DTNB: variants seen among roughly 807,000 people sequenced by gnomAD.
The protein encoded by DTNB is DTN-B.
In DTNB, 63 loss-of-function variants were observed where a neutral mutation model predicts 90.7. That is an observed-to-expected ratio of 0.69 (90% CI 0.57 to 0.86). DTNB has a LOEUF of 0.86. Among genes scored for constraint, DTNB ranks in the 40% least tolerant of loss-of-function variants. DTNB has a pLI of 0.00. For synonymous variants in DTNB, 277 were observed against 286.7 expected, an observed-to-expected ratio of 0.97 and a Z score of 0.34; for missense variants, 744 against 807.1, an observed-to-expected ratio of 0.92 and a Z score of 0.95.
intron 8 of DTNB, among the ~76,000 whole-genome samples, chr2:25,562,576 T>A (rs2058427255): frequency 6.6e-6 from 1 of 152,198 alleles, no homozygotes; most frequent in Non-Finnish European, 1.5e-5. Context: ...TTTTTCTACA[T>A]CCTTGTCAAC....
chr2:25,402,788 G>A (rs2044079418), intron 16 of DTNB, among the ~76,000 whole-genome samples: 1 of 152,282 alleles, frequency 6.6e-6, no homozygotes, highest in South Asian at 2.1e-4. Flanking sequence ...TTGTGATCAC[G>A]GTGTTGCCAA....
intron 2 of DTNB, among the ~76,000 whole-genome samples, chr2:25,645,509 A>G (rs988865502): frequency 3.3e-5 from 5 of 152,142 alleles, no homozygotes; most frequent in Non-Finnish European, 7.4e-5. Context: ...TCACAATCTC[A>G]GCTCACTGTA....
At chr2:25,513,504 T>G (rs1558831301) in intron 9 of DTNB, among the ~76,000 whole-genome samples, 1 of 152,098 alleles carries the variant, frequency 6.6e-6, no homozygotes. Flanking sequence ...AGGCGATCAC[T>G]TGGGGTCGGC....
At chr2:25,482,735 G>A (rs2065216285) in intron 10 of DTNB, 61 bp downstream of exon 10, 1 of 1,550,112 alleles carries the variant, frequency 6.5e-7, no homozygotes, top group Admixed American at 1.7e-5. Context: ...ATTTCTGGCA[G>A]GGGCATCGCA....
chr2:25,562,555 A>AC (rs2058423808), intron 8 of DTNB, among the ~76,000 whole-genome samples: 1 of 152,210 alleles, frequency 6.6e-6, no homozygotes, highest in East Asian at 1.9e-4. Flanking sequence ...AACGAAGTAT[A>AC]AGGGTTCTGA....
intron 9 of DTNB, among the ~76,000 whole-genome samples, chr2:25,491,152 C>CAG (rs1553453709): frequency 5.4e-5 from 4 of 74,628 alleles, no homozygotes; most frequent in African/African-American, 1.6e-4. Context: ...CACACACACA[C>CAG]ACACAGACAC....
At chr2:25,510,099 T>C (rs1443031059) in intron 9 of DTNB, among the ~76,000 whole-genome samples, 1 of 152,134 alleles carries the variant, frequency 6.6e-6, no homozygotes, top group South Asian at 2.1e-4. Flanking sequence ...CTTGGGACAA[T>C]TTCCATTCAT....
intron 19 of DTNB, among the ~76,000 whole-genome samples, chr2:25,381,695 C>A (rs1430766086): frequency 6.6e-6 from 1 of 152,204 alleles, no homozygotes; most frequent in Non-Finnish European, 1.5e-5. Flanking sequence ...CTTTTGGTGT[C>A]CGTGCCACAT....
intron 1 of DTNB, among the ~76,000 whole-genome samples, chr2:25,673,153 C>T (rs1357341846): frequency 6.6e-6 from 1 of 151,680 alleles, no homozygotes; most frequent in African/African-American, 2.4e-5. Context: ...CGGGATCCGC[C>T]GCATCCCCTC....
intron 12 of DTNB, among the ~76,000 whole-genome samples, chr2:25,450,424 G>A (rs763110610): frequency 6.6e-6 from 1 of 152,102 alleles, no homozygotes; most frequent in African/African-American, 2.4e-5. Flanking sequence ...CCTTTTGCCA[G>A]TATCTTACTT....
chr2:25,572,026 C>T lies in DTNB; in HGVS notation c.876+4812G>A, dbSNP rs182436222. On this transcript the variant is annotated intron_variant, in intron 8 of 20. Transcript: ENST00000406818. Reference sequence around the variant, plus strand: ...TTTTCTTATGCACAGAGCACCCTTGCCTCCTCCCACCATGCCACACATGCC... The same window carrying T: ...TTTTCTTATGCACAGAGCACCCTTGTCTCCTCCCACCATGCCACACATGCC... Among the ~76,000 whole-genome samples the T allele has an allele frequency of 4.0e-4, 61 of 152,268 alleles. No individual in the cohort carries two copies. The East Asian group carries it at 8.9e-3, about 22-fold the overall frequency.
intron 4 of DTNB, among the ~76,000 whole-genome samples, chr2:25,618,642 C>A (rs569508479): frequency 6.6e-6 from 1 of 152,168 alleles, no homozygotes; most frequent in Admixed American, 6.5e-5. Flanking sequence ...ACAGTGAATA[C>A]GAACCCCTCT....
chr2:25,405,134 C>G (rs1373172727), intron 16 of DTNB, among the ~76,000 whole-genome samples: 1 of 152,062 alleles, frequency 6.6e-6, no homozygotes, highest in East Asian at 1.9e-4. Context: ...TGCCATGTTG[C>G]CCAGGCTGAT....
At chr2:25,381,221 G>A (rs750323594) in intron 19 of DTNB, among the ~76,000 whole-genome samples, 1 of 151,896 alleles carries the variant, frequency 6.6e-6, no homozygotes, top group Non-Finnish European at 1.5e-5. Context: ...GTGTGTGCGC[G>A]TGTTTGCAGC....
intron 8 of DTNB, among the ~76,000 whole-genome samples, chr2:25,567,362 A>G (rs2059200248): frequency 6.6e-6 from 1 of 152,214 alleles, no homozygotes. Flanking sequence ...AGATAAGTCA[A>G]CAATCTCAAT....
intron 9 of DTNB, among the ~76,000 whole-genome samples, chr2:25,516,541 C>T (rs1196989026): frequency 6.6e-6 from 1 of 151,950 alleles, no homozygotes; most frequent in African/African-American, 2.4e-5. Flanking sequence ...GTGTGAGCCA[C>T]CGTGCCCGGC....
intron 4 of DTNB, among the ~76,000 whole-genome samples, chr2:25,622,010 T>C (rs1195381123): frequency 6.6e-6 from 1 of 152,166 alleles, no homozygotes; most frequent in Non-Finnish European, 1.5e-5. Flanking sequence ...TTGTCCAAAC[T>C]AGTTTCATTA....
intron 8 of DTNB, among the ~76,000 whole-genome samples, chr2:25,535,682 C>A (rs1018522892): frequency 7.7e-6 from 1 of 130,236 alleles, no homozygotes; most frequent in Non-Finnish European, 1.6e-5. Flanking sequence ...ACATCCCAGA[C>A]AATGGGCGGC....
intron 8 of DTNB, among the ~76,000 whole-genome samples, chr2:25,542,151 G>T (rs1439767147): frequency 6.6e-6 from 1 of 152,124 alleles, no homozygotes; most frequent in East Asian, 1.9e-4. Context: ...GTCTCACTCT[G>T]TCACCCAGGC....
Sources: gnomAD v4.1 joint callset for allele counts (sites outside exome capture counted in the v4.1 genomes callset) on GRCh38, gnomAD v4.1.1 for gene constraint, MANE v1.5 for transcripts, NCBI Gene and HGNC (gene_info 2026-07-23, HGNC 2026-07-21) for gene names.